The following SOX5 variants were observed in gnomAD, a reference collection of about 807,000 sequenced individuals.
The protein encoded by SOX5 is transcription factor SOX-5.
In SOX5, 9 loss-of-function variants were observed where a neutral mutation model predicts 92.0. That is an observed-to-expected ratio of 0.10 (90% confidence interval 0.06 to 0.17). SOX5 has a LOEUF of 0.17. SOX5 is among the 10% of genes least tolerant of loss of function. The pLI, the probability that SOX5 is intolerant of heterozygous loss-of-function variation, is 1.00. For missense variants in SOX5, 642 were observed against 944.5 expected, an observed-to-expected ratio of 0.68 and a Z score of 4.20; for synonymous variants, 344 against 336.3, an observed-to-expected ratio of 1.02 and a Z score of -0.25.
At chr12:23,801,029 A>G (rs2095650993) in intron 3 of SOX5, among the ~76,000 whole-genome samples, 1 of 152,176 alleles carries the variant, frequency 6.6e-6, no homozygotes, top group Non-Finnish European at 1.5e-5. Flanking sequence ...GGAAAACACT[A>G]TACTGTTGCA....
At chr12:23,936,161 A>G (rs982055400) in intron 1 of SOX5, among the ~76,000 whole-genome samples, 2 of 151,062 alleles carry the variant, frequency 1.3e-5, no homozygotes, top group African/African-American at 4.8e-5. Flanking sequence ...CTCCATATGT[A>G]TAGAGAAAGT....
At chr12:24,433,571 A>C (rs1479905536) in intron 1 of SOX5, among the ~76,000 whole-genome samples, 1 of 152,232 alleles carries the variant, frequency 6.6e-6, no homozygotes, top group Non-Finnish European at 1.5e-5. Flanking sequence ...AGGCAAAGAA[A>C]ACTGAGGGGG....
At chr12:24,275,007 A>T (rs1278903496) in intron 3 of SOX5, among the ~76,000 whole-genome samples, 1 of 151,246 alleles carries the variant, frequency 6.6e-6, no homozygotes, top group Non-Finnish European at 1.5e-5. Flanking sequence ...GGTTGTATGG[A>T]TCTACTGAGC....
chr12:24,285,009 C>T (rs1945687324), intron 2 of SOX5, among the ~76,000 whole-genome samples: 1 of 152,024 alleles, frequency 6.6e-6, no homozygotes, highest in Non-Finnish European at 1.5e-5. Flanking sequence ...CCTATAATCC[C>T]AGCTACTTGG....
intron 11 of SOX5, among the ~76,000 whole-genome samples, chr12:23,553,963 A>G (rs1412254481): frequency 1.3e-5 from 2 of 152,142 alleles, no homozygotes; most frequent in Non-Finnish European, 2.9e-5. Context: ...TTAAATAAAT[A>G]TAATCTGACC....
chr12:23,612,048 A>G (rs1319759389), intron 8 of SOX5, among the ~76,000 whole-genome samples: 1 of 152,076 alleles, frequency 6.6e-6, no homozygotes, highest in Non-Finnish European at 1.5e-5. Context: ...CTGAATGGAG[A>G]GTGATAAGAG....
At chr12:23,561,824 A>T (rs961176047) in intron 11 of SOX5, among the ~76,000 whole-genome samples, 1 of 152,048 alleles carries the variant, frequency 6.6e-6, no homozygotes, top group Non-Finnish European at 1.5e-5. Flanking sequence ...AAAAAAAAAA[A>T]AAAAAAGGGT....
At chr12:23,891,129 G>A (rs1301790688) in intron 2 of SOX5, among the ~76,000 whole-genome samples, 1 of 152,128 alleles carries the variant, frequency 6.6e-6, no homozygotes, top group South Asian at 2.1e-4. Context: ...GCTTAAGAAA[G>A]CTCATCTGTA....
intron 1 of SOX5, among the ~76,000 whole-genome samples, chr12:24,510,180 A>T (rs977163862): frequency 5.3e-5 from 8 of 152,330 alleles, no homozygotes; most frequent in Middle Eastern, 3.4e-3. Flanking sequence ...ATTCATGCTC[A>T]AAATAGATGC....
At chr12:24,217,585 G>A (rs1959300993) in intron 3 of SOX5, among the ~76,000 whole-genome samples, 1 of 152,112 alleles carries the variant, frequency 6.6e-6, no homozygotes, top group African/African-American at 2.4e-5. Flanking sequence ...TTTAGCAATG[G>A]GTTGTCAGAC....
intron 2 of SOX5, among the ~76,000 whole-genome samples, chr12:24,352,375 TA>T (rs201926501): frequency 3.3e-5 from 5 of 150,988 alleles, no homozygotes; most frequent in South Asian, 2.1e-4. Flanking sequence ...TGGCTCTTTC[TA>T]AAAAAAAAGT....
At chr12:24,476,004 A>T (rs199870711) in intron 1 of SOX5, among the ~76,000 whole-genome samples, 1 of 149,984 alleles carries the variant, frequency 6.7e-6, no homozygotes, top group Non-Finnish European at 1.5e-5. Flanking sequence ...AAAAAAAAAA[A>T]AAAAAAAAAA....
At chr12:23,621,397 A>G (rs1320207513) in intron 8 of SOX5, among the ~76,000 whole-genome samples, 2 of 152,142 alleles carry the variant, frequency 1.3e-5, no homozygotes, top group Non-Finnish European at 2.9e-5. Flanking sequence ...ATAACATTGT[A>G]TATAATGCTA....
intron 3 of SOX5, among the ~76,000 whole-genome samples, chr12:23,772,538 AC>A (rs1417790297): frequency 6.6e-6 from 1 of 152,152 alleles, no homozygotes; most frequent in Non-Finnish European, 1.5e-5. Context: ...CGCAATGAAA[AC>A]CTTTTATATA....
intron 4 of SOX5, among the ~76,000 whole-genome samples, chr12:24,167,560 C>T (rs529637290): frequency 6.6e-6 from 1 of 152,268 alleles, no homozygotes; most frequent in African/African-American, 2.4e-5. Context: ...ACTCTTTCTC[C>T]GGACTCTGCC....
At chr12:24,515,893 C>T (rs1949737568) in intron 1 of SOX5, among the ~76,000 whole-genome samples, 1 of 152,186 alleles carries the variant, frequency 6.6e-6, no homozygotes, top group South Asian at 2.1e-4. Flanking sequence ...CTTAAACTCA[C>T]TTTAAGAGGT....
Position 24,399,252 on chromosome 12 carries a change from T to C in SOX5, c.-250-30613A>G, listed in dbSNP as rs1448264539. 3.3e-5 allele frequency among the ~76,000 whole-genome samples: 5 copies of C among 152,194 alleles called. No homozygotes were observed. In the East Asian group the frequency reaches 9.7e-4, roughly 29 times the overall value. On this transcript the variant is annotated intron_variant, in intron 1 of 4. Coordinates refer to the SOX5 transcript ENST00000446891. ...GCACACTGCCTACAGCGTCTCCCCA[T>C]ACCTGGGAAAGGACCCATAGGAGTG...
intron 1 of SOX5, among the ~76,000 whole-genome samples, chr12:23,901,109 A>G (rs1395654127): frequency 1.3e-5 from 2 of 152,194 alleles, no homozygotes; most frequent in African/African-American, 4.8e-5. Context: ...GATTATTCTG[A>G]ATATTGTTGG....
At chr12:24,391,046 A>G (rs1204155699) in intron 1 of SOX5, among the ~76,000 whole-genome samples, 1 of 152,176 alleles carries the variant, frequency 6.6e-6, no homozygotes, top group Non-Finnish European at 1.5e-5. Flanking sequence ...CACCAGCAGC[A>G]TACAAGTGTT....
Sources: allele counts gnomAD v4.1 joint callset (sites outside exome capture counted in the v4.1 genomes callset), GRCh38; gene constraint gnomAD v4.1.1; transcripts MANE v1.5; gene names NCBI Gene and HGNC (gene_info 2026-07-23, HGNC 2026-07-21).